The following SEPTIN6 variants were observed in gnomAD, a reference collection of about 807,000 sequenced individuals.
SEPTIN6 encodes septin 6.
Under a neutral mutation model 33.6 loss-of-function variants are expected in SEPTIN6, and 8 were observed. The ratio of observed to expected loss-of-function variants is 0.24; its 90% confidence interval spans 0.14 to 0.43. SEPTIN6 has a LOEUF of 0.43. SEPTIN6 is among the 20% of genes least tolerant of loss of function. The pLI, the probability that SEPTIN6 is intolerant of heterozygous loss-of-function variation, is 1.00. For missense variants in SEPTIN6, 250 were observed against 340.8 expected, an observed-to-expected ratio of 0.73 and a Z score of 2.10; for synonymous variants, 131 against 140.0, an observed-to-expected ratio of 0.94 and a Z score of 0.45.
In SEPTIN6 at chrX:119,640,518, C is replaced by T. The variant is rs1023002584; in HGVS notation, c.787+174G>A. Among the ~76,000 whole-genome samples the T allele has an allele frequency of 5.3e-4, 58 of 108,936 alleles. 1 individual carries two copies. The highest frequency in any genetic ancestry group is 2.3e-4 in the Non-Finnish European group (12 of 52,370). The allele number at this position is 108,936 out of a possible 115,157, so 94.6% of individuals were successfully genotyped here. A position where few individuals can be genotyped will look rare whatever the true frequency, so the allele number is the denominator to read the frequency against. On this transcript the variant is annotated intron_variant, in intron 6 of 10. Transcript: ENST00000394610. ...AGGGAGCTTGCTCCCATCAGAGCATCCCAGTATGGAGCCAGAGTTAGCTTG... is the reference window on the plus strand; with the variant it reads ...AGGGAGCTTGCTCCCATCAGAGCATTCCAGTATGGAGCCAGAGTTAGCTTG...
At chrX:119,634,782 G>A (rs1391250822) in intron 7 of SEPTIN6, among the ~76,000 whole-genome samples, 1 of 110,539 alleles carries the variant, frequency 9.0e-6, no homozygotes, top group Non-Finnish European at 1.9e-5. Flanking sequence ...GCCAAGGTGG[G>A]TAGATCACTT....
chrX:119,621,446 G>GGTGTGTGTGT (rs34517524), intron 10 of SEPTIN6, among the ~76,000 whole-genome samples: 4,864 of 63,400 alleles, frequency 0.077, 319 homozygotes, highest in Admixed American at 0.094. Flanking sequence ...GCCCAGAGCT[G>GGTGTGTGTGT]GTGTGTGTGT....
intron 8 of SEPTIN6, among the ~76,000 whole-genome samples, chrX:119,632,350 C>A (rs2053979673): frequency 9.1e-6 from 1 of 110,181 alleles, no homozygotes; most frequent in Admixed American, 9.7e-5. Context: ...CGCCCGCCAC[C>A]ACGCCCGGCT....
intron 2 of SEPTIN6, among the ~76,000 whole-genome samples, chrX:119,668,553 G>A (rs1304629127): frequency 2.7e-5 from 3 of 111,820 alleles, no homozygotes; most frequent in African/African-American, 9.8e-5. Context: ...TGAGGAAGAT[G>A]TTACTATTTG....
intron 3 of SEPTIN6, among the ~76,000 whole-genome samples, chrX:119,662,690 G>A (rs188585819): frequency 1.8e-5 from 2 of 112,196 alleles, no homozygotes; most frequent in Admixed American, 1.9e-4. Flanking sequence ...CAGCCCTTAG[G>A]CTTATGCAAT....
chrX:119,630,754 G>A (rs1465158610), intron 8 of SEPTIN6, among the ~76,000 whole-genome samples: 3 of 110,846 alleles, frequency 2.7e-5, no homozygotes, highest in Admixed American at 9.6e-5. Flanking sequence ...TGAGCTGGGC[G>A]TGGTGACGCT....
Position 119,618,825 on chromosome X carries a change from G to C in SEPTIN6, c.*1268C>G. 1 of 1,208,720 alleles carries C rather than the reference G, an allele frequency of 8.3e-7. No homozygotes were observed. On this transcript the variant is annotated 3_prime_UTR_variant, in exon 11 of 11. Coordinates refer to ENST00000394610, the MANE Select transcript of SEPTIN6 (RefSeq NM_145799.4). The stretch of plus-strand genomic sequence containing the variant: ...GCAGAGAGACGGCATGTTAGCCACA[G>C]ATCATTGCCAGGTCAACTCCATCTC...
chrX:119,616,822 G>C, downstream of SEPTIN6: 1 of 1,077,678 alleles, frequency 9.3e-7, no homozygotes, highest in Non-Finnish European at 1.3e-6. Flanking sequence ...AGGGGGAGGG[G>C]AATGGGCAAT....
At chrX:119,624,144 G>GTTTTTTTTTTTTTTTTTTTT in intron 10 of SEPTIN6, 1 of 211,635 alleles carries the variant, frequency 4.7e-6, no homozygotes, top group Non-Finnish European at 8.7e-6. Flanking sequence ...TTTATTATGG[G>GTTTTTTTTTTTTTTTTTTTT]TTTTTTTTTT....
intron 6 of SEPTIN6, among the ~76,000 whole-genome samples, chrX:119,638,481 C>G (rs2147492580): frequency 9.0e-6 from 1 of 111,567 alleles, no homozygotes; most frequent in South Asian, 3.8e-4. Context: ...AAAATGGTGT[C>G]TGAAGTGAAC....
intron 8 of SEPTIN6, among the ~76,000 whole-genome samples, chrX:119,632,259 G>C (rs1338490037): frequency 1.9e-5 from 2 of 108,081 alleles, no homozygotes; most frequent in Non-Finnish European, 3.8e-5. Flanking sequence ...ACAGTGGCGC[G>C]ATCTCGGCTC....
At chrX:119,675,479 A>G in intron 2 of SEPTIN6, 75 bp downstream of exon 2, 1 of 557,268 alleles carries the variant, frequency 1.8e-6, no homozygotes, top group Non-Finnish European at 2.7e-6. Flanking sequence ...ATTTAACCTA[A>G]TTACCTGCAA....
chrX:119,664,053 G>A (rs1305441888), intron 2 of SEPTIN6, among the ~76,000 whole-genome samples: 1 of 110,444 alleles, frequency 9.1e-6, no homozygotes, highest in Non-Finnish European at 1.9e-5. Context: ...GCATGACCTC[G>A]GCTCACTGCA....
intron 2 of SEPTIN6, among the ~76,000 whole-genome samples, chrX:119,668,023 C>T (rs952622729): frequency 4.5e-5 from 5 of 111,552 alleles, no homozygotes; most frequent in East Asian, 2.8e-4. Flanking sequence ...TCTTGCGGGA[C>T]GGTGGCTCAG....
chrX:119,676,204 G>T (rs1382062957), intron 1 of SEPTIN6, among the ~76,000 whole-genome samples: 1 of 112,191 alleles, frequency 8.9e-6, no homozygotes, highest in African/African-American at 3.2e-5. Flanking sequence ...GCTCACACCT[G>T]TAATCCCAGC....
At chrX:119,688,707 G>A (rs184744704) in intron 1 of SEPTIN6, among the ~76,000 whole-genome samples, 17 of 90,294 alleles carry the variant, frequency 1.9e-4, no homozygotes, top group African/African-American at 9.3e-4. Flanking sequence ...ACTCCATCTC[G>A]GGGAAAAAAA....
intron 2 of SEPTIN6, among the ~76,000 whole-genome samples, chrX:119,668,751 G>A (rs182617273): frequency 2.1e-4 from 24 of 111,679 alleles, no homozygotes; most frequent in African/African-American, 7.5e-4. Context: ...CCAGGAATTC[G>A]AGACCAGCCT....
At chrX:119,671,625 G>GGCATGGT (rs1429244881) in intron 2 of SEPTIN6, among the ~76,000 whole-genome samples, 2 of 109,612 alleles carry the variant, frequency 1.8e-5, no homozygotes, top group Non-Finnish European at 3.8e-5. Context: ...AAATTAGCCA[G>GGCATGGT]GCATGGTGGC....
At position 119,637,094 on chromosome X, in the gene SEPTIN6, G is replaced by A; in HGVS notation, c.889C>T (p.Leu297=). 1 of 1,211,272 alleles carries A rather than the reference G, an allele frequency of 8.3e-7. No individual in the cohort carries two copies. Reference sequence around the variant, plus strand: ...TCCTCCAGCTTACAGCGGCGATACAGCTCATAGTGCCGGGTGTGGGTCTGC... The same window carrying A: ...TCCTCCAGCTTACAGCGGCGATACAACTCATAGTGCCGGGTGTGGGTCTGC... ...REQTHTRHYE[L]YRRCKLEEMG... is the part of the protein sequence containing the mutation. The change falls in exon 7 of 11, where the codon CTG becomes TTG. Residue 297 remains leucine (L), a synonymous_variant. Coordinates refer to ENST00000394610, the MANE Select transcript of SEPTIN6 (RefSeq NM_145799.4).
Sources: allele counts gnomAD v4.1 joint callset (sites outside exome capture counted in the v4.1 genomes callset), GRCh38; gene constraint gnomAD v4.1.1; transcripts MANE v1.5; gene names NCBI Gene and HGNC (gene_info 2026-07-23, HGNC 2026-07-21).